The following LRWD1 variants were observed in gnomAD, a reference collection of about 807,000 sequenced individuals.
The protein encoded by LRWD1 is leucine rich repeats and WD repeat domain containing 1.
In LRWD1, 76 loss-of-function variants were observed where a neutral mutation model predicts 75.6. That is an observed-to-expected ratio of 1.01 (90% confidence interval 0.84 to 1.22). The LOEUF is 1.22. Among genes scored for constraint, LRWD1 ranks in the 50% most tolerant of loss-of-function variants. The probability of loss-of-function intolerance (pLI) is 0.00; values close to 1 mark genes in which losing one functional copy is unlikely to be tolerated. For synonymous variants in LRWD1, 487 were observed against 377.0 expected (o/e 1.29, Z -3.38); for missense variants, 917 against 862.0 (o/e 1.06, Z -0.80).
chr7:102,472,294 A>G lies in LRWD1; in HGVS notation c.1519A>G (p.Asn507Asp). The change falls in exon 12 of 15, where the codon AAT becomes GAT. Residue 507 changes from asparagine to aspartate, a missense_variant. Asn to Asp is a conservative substitution (Grantham distance 23). Transcript: ENST00000292616. The part of the protein sequence containing the change: ...GRRVDGLAFV[N>D]EDIVASKGSG... ...GAGAGTGGATGGGCTGGCATTTGTG[A>G]ATGAGGACATCGTGGGTGAGTGAGC... The G allele has an allele frequency of 6.3e-7, 1 of 1,580,446 alleles. No individual in the cohort carries two copies.
At chr7:102,468,482 G>A (rs1798082878) in intron 7 of LRWD1, 72 bp from the exon 8 acceptor site, 15 of 1,540,444 alleles carry the variant, frequency 9.7e-6, no homozygotes, top group Non-Finnish European at 1.2e-5. Context: ...AAGGCTGGGA[G>A]GAGGAGGCTG....
rs772875644 is a variant in LRWD1 at position 102,472,717 on chromosome 7, TGAG to T, written c.1721_1723del (p.Glu574del). ...ATAAGGGGATTGTGCTCTGTGGGGA[TGAG>T]GAGGGCAACGTGTGGCTCTACGACG... On this transcript the variant is annotated inframe_deletion, in exon 14 of 15. Transcript: ENST00000292616. The T allele has an allele frequency of 1.9e-6, 3 of 1,613,540 alleles. No individual in the cohort carries two copies. The highest frequency in any genetic ancestry group is 3.3e-5 in the Admixed American group (2 of 60,026).
chr7:102,471,872 C>T (rs986943746), intron 11 of LRWD1: 8 of 281,456 alleles, frequency 2.8e-5, no homozygotes, highest in African/African-American at 1.5e-4. Context: ...CCTGGAAACA[C>T]CTGCTCTACT....
Position 102,469,829 on chromosome 7 carries a change from C to G in LRWD1, c.1389C>G (p.Cys463Trp), listed in dbSNP as rs957285968. The change falls in exon 11 of 15, where the codon TGC becomes TGG. Residue 463 changes from cysteine (C) to tryptophan (W), a missense_variant. Transcript: ENST00000292616. ...CGGACGCCCGCCTGCTGGCCGGCTG[C>G]GAGGGCGGCTGCTGCTGCTGGGACG... ...SCPDARLLAGCEGGCCCWDVR... is the reference protein window; with the variant it reads ...SCPDARLLAGWEGGCCCWDVR... 6.2e-7 allele frequency: 1 copy of G among 1,605,004 alleles called. No homozygotes were observed. Among genetic ancestry groups the G allele is most frequent in the African/African-American group, 1.3e-5 (1 of 74,782 alleles).
intron 12 of LRWD1, 49 bp from the exon 13 acceptor site, chr7:102,472,405 A>G: frequency 3.9e-6 from 6 of 1,548,854 alleles, no homozygotes; most frequent in Non-Finnish European, 5.2e-6. Context: ...TAGTGGGAGA[A>G]GGTGTCTGGG....
chr7:102,466,725 T>TATAAGTAG (rs1797989609), intron 3 of LRWD1, among the ~76,000 whole-genome samples: 1 of 144,176 alleles, frequency 6.9e-6, no homozygotes, highest in African/African-American at 2.5e-5. Flanking sequence ...GCCTGACTCT[T>TATAAGTAG]CTAAGTAGCT....
At chr7:102,472,182 A>G (rs535719886) in intron 11 of LRWD1, 36 bp from the exon 12 acceptor site, 3 of 1,555,666 alleles carry the variant, frequency 1.9e-6, no homozygotes, top group South Asian at 2.4e-5. Flanking sequence ...TCTATCTGCA[A>G]GGAATGGCCA....
intron 10 of LRWD1, 37 bp downstream of exon 10, chr7:102,469,683 C>T (rs1442396434): frequency 6.2e-7 from 1 of 1,613,952 alleles, no homozygotes. Context: ...TGGCCAGCTG[C>T]TGGGGCAGGG....
intron 1 of LRWD1, 196 bp from the exon 2 acceptor site, chr7:102,465,621 G>A (rs1797946707): frequency 3.5e-6 from 2 of 571,026 alleles, no homozygotes; most frequent in Non-Finnish European, 6.3e-6. Context: ...AGGAGTTGGA[G>A]GCAGCTGTGA....
chr7:102,467,164 T>TATGGG lies in LRWD1; in HGVS notation c.433-175_433-174insATGGG, dbSNP rs1798020133. On this transcript the variant is annotated intron_variant, in intron 3 of 14. Transcript: ENST00000292616. ...AGGCACCTGGGTTGTTGCTGGGGTG[T>TATGGG]GTGTGGGGTGTGTGTGTGTGTGTGT... 6.7e-5 allele frequency among the ~76,000 whole-genome samples: 4 copies of TATGGG among 60,106 alleles called. No individual in the cohort carries two copies. In the Admixed American group the frequency reaches 7.8e-4, roughly 12 times the overall value. 39.4% of individuals were successfully genotyped at this position (60,106 alleles called of 152,430 possible).
Position 102,468,934 on chromosome 7 carries a change from C to T in LRWD1, c.1100C>T (p.Ala367Val). 1 of 1,612,852 alleles carries T rather than the reference C, an allele frequency of 6.2e-7. No homozygotes were observed. Among genetic ancestry groups the T allele is most frequent in the South Asian group, 1.1e-5 (1 of 91,080 alleles). Residue 367 changes from alanine to valine, a missense_variant, in exon 9 of 15, where the codon GCT (alanine) becomes GTT (valine). Coordinates refer to ENST00000292616, the MANE Select transcript of LRWD1 (RefSeq NM_152892.3). ...GHKKRWSVLA[A>V]AGLRGLVRLL... ...AAGAAGCGCTGGAGTGTGCTGGCGG[C>T]TGCAGGCCTACGGGGCCTGGTCCGG...
chr7:102,467,565 G>T lies in LRWD1; in HGVS notation c.573+86G>T. ...GTCCCTGGCCATGAAGGGCTGAGGG[G>T]CTGTGGGAGTGGGGTGAGTCAGGGT... On this transcript the variant is annotated intron_variant, in intron 4 of 14. Transcript: ENST00000292616. 8.9e-6 allele frequency: 14 copies of T among 1,571,140 alleles called. No homozygotes were observed. In the South Asian group the frequency reaches 1.3e-4, roughly 14 times the overall value.
At chr7:102,469,092 C>G in intron 9 of LRWD1, 30 bp downstream of exon 9, 1 of 1,545,464 alleles carries the variant, frequency 6.5e-7, no homozygotes, top group Non-Finnish European at 8.8e-7. Flanking sequence ...CCCTGGGACC[C>G]CCAAGCACCC....
intron 1 of LRWD1, 70 bp downstream of exon 1, chr7:102,465,230 C>T (rs1449598555): frequency 2.3e-6 from 3 of 1,307,766 alleles, no homozygotes; most frequent in East Asian, 3.1e-5. Context: ...CGGGGACCCT[C>T]CCCAACGGCC....
chr7:102,472,237 G>A lies in LRWD1; in HGVS notation c.1462G>A (p.Val488Ile), dbSNP rs527362228. The A allele has an allele frequency of 1.8e-5, 28 of 1,595,756 alleles. No individual in the cohort carries two copies. The highest frequency in any genetic ancestry group is 1.6e-4 in the Middle Eastern group (1 of 6,072). ...QKRRVCEVEF[V>I]FSEGSEASGR... is the part of the protein sequence containing the mutation. ...CCACAGGGTGTGTGAAGTGGAATTC[G>A]TCTTCTCTGAGGGCTCCGAGGCATC... The change falls in exon 12 of 15, where the codon GTC (valine) becomes ATC (isoleucine). Residue 488 changes from valine (V) to isoleucine (I), a missense_variant. By Grantham distance (29) the Val-to-Ile change is conservative. Coordinates refer to ENST00000292616, the MANE Select transcript of LRWD1 (RefSeq NM_152892.3).
In LRWD1 at chr7:102,472,714, G is replaced by T; in HGVS notation, c.1713G>T (p.Gly571=). 4 of 1,613,578 alleles carry T rather than the reference G, an allele frequency of 2.5e-6. No homozygotes were observed. The highest frequency in any genetic ancestry group is 3.4e-6 in the Non-Finnish European group (4 of 1,179,950). ...CAGATAAGGGGATTGTGCTCTGTGG[G>T]GATGAGGAGGGCAACGTGTGGCTCT... ...ACPDKGIVLC[G]DEEGNVWLYD... Residue 571 remains glycine, a synonymous_variant, in exon 14 of 15, where the codon GGG becomes GGT. Coordinates refer to ENST00000292616, the MANE Select transcript of LRWD1 (RefSeq NM_152892.3).
chr7:102,465,318 C>T, intron 1 of LRWD1, 158 bp downstream of exon 1: 2 of 763,264 alleles, frequency 2.6e-6, no homozygotes, highest in South Asian at 2.8e-5. Flanking sequence ...TGGCCCCACC[C>T]GCTCGCCGGG....
intron 1 of LRWD1, 30 bp from the exon 2 acceptor site, chr7:102,465,787 G>GC: frequency 1.9e-6 from 3 of 1,563,620 alleles, no homozygotes; most frequent in Non-Finnish European, 2.6e-6. Flanking sequence ...AAGCCTGCCC[G>GC]CCCCCTAAGC....
At chr7:102,465,241 C>T (rs1586735316) in intron 1 of LRWD1, 81 bp downstream of exon 1, 3 of 1,268,162 alleles carry the variant, frequency 2.4e-6, no homozygotes, top group Non-Finnish European at 3.1e-6. Flanking sequence ...CCCAACGGCC[C>T]GCTTGTCCCC....
Sources: gnomAD v4.1 joint callset for allele counts (sites outside exome capture counted in the v4.1 genomes callset) on GRCh38, gnomAD v4.1.1 for gene constraint, MANE v1.5 for transcripts, NCBI Gene and HGNC (gene_info 2026-07-23, HGNC 2026-07-21) for gene names.